MTO1: variants seen among roughly 807,000 people sequenced by gnomAD.
The protein encoded by MTO1 is mitochondrial tRNA translation optimization 1, also known as 5-taurinomethyluridine-[tRNA] synthase subunit MTO1, mitochondrial.
Under a neutral mutation model 71.6 loss-of-function variants are expected in MTO1, and 46 were observed. The observed-to-expected ratio is 0.64, with a 90% CI of 0.51 to 0.82. The LOEUF (loss-of-function observed/expected upper bound fraction) is 0.82. MTO1 is among the 40% of genes least tolerant of loss of function. MTO1 has a pLI of 0.00. For synonymous variants in MTO1, 297 were observed against 312.1 expected, an observed-to-expected ratio of 0.95 and a Z score of 0.51; for missense variants, 773 against 867.5, an observed-to-expected ratio of 0.89 and a Z score of 1.37.
rs1392884488 is a variant in MTO1, at chr6:73,482,524, G to C, written c.1541G>C (p.Gly514Ala). ...TGGATGAAGTCTTCTTTAGAAGAAG[G>C]CATTTCTGTGTTGAAATCTATTGAG... is the stretch of plus-strand genomic sequence containing the variant. Reference protein sequence around the residue: ...ACWMKSSLEEGISVLKSIEFL... With the variant: ...ACWMKSSLEEAISVLKSIEFL... Residue 514 changes from glycine to alanine, a missense_variant, in exon 9 of 12, where the codon GGC (glycine) becomes GCC (alanine). Transcript: ENST00000498286. The C allele has an allele frequency of 2.5e-6, 4 of 1,612,508 alleles. No individual in the cohort carries two copies. Among genetic ancestry groups the C allele is most frequent in the Non-Finnish European group, 3.4e-6 (4 of 1,179,522 alleles).
chr6:73,472,214 AC>A (rs1172960402), intron 3 of MTO1, among the ~76,000 whole-genome samples: 1 of 152,196 alleles, frequency 6.6e-6, no homozygotes, highest in African/African-American at 2.4e-5. Context: ...TAGATGAGTT[AC>A]CATTCTTCCA....
At chr6:73,491,471 G>A (rs1369980658) in intron 9 of MTO1, among the ~76,000 whole-genome samples, 2 of 151,966 alleles carry the variant, frequency 1.3e-5, no homozygotes, top group South Asian at 2.1e-4. Flanking sequence ...TTGTTTTGCA[G>A]AGACTTAAAA....
Position 73,505,317 on chromosome 6 carries a change from A to G in MTO1, c.*4582A>G, listed in dbSNP as rs531190927. ...GCATATACATACAATGGAATATTAT[A>G]CAGCCTTAAAAAGGAAGGAAATTCA... On this transcript the variant is annotated 3_prime_UTR_variant, in exon 12 of 12. Transcript: ENST00000498286. 6.6e-6 allele frequency: 1 copy of G among 152,374 alleles called. No homozygotes were observed. The highest frequency in any genetic ancestry group is 2.1e-4 in the South Asian group (1 of 4,834). The allele number at this position is 152,374 out of a possible 1,614,324, so 9.4% of individuals were successfully genotyped here.
chr6:73,486,327 T>G (rs1771651871), intron 9 of MTO1, among the ~76,000 whole-genome samples: 1 of 152,166 alleles, frequency 6.6e-6, no homozygotes, highest in South Asian at 2.1e-4. Flanking sequence ...TCTCCAGGAC[T>G]TTTTCATCTT....
intron 10 of MTO1, 53 bp from the exon 11 acceptor site, chr6:73,497,681 TTG>T: frequency 1.3e-6 from 2 of 1,511,916 alleles, no homozygotes; most frequent in Middle Eastern, 3.5e-4. Flanking sequence ...TAAATGTAAG[TTG>T]TTAGTATAAT....
intron 10 of MTO1, among the ~76,000 whole-genome samples, chr6:73,492,930 C>G (rs922180148): frequency 1.1e-4 from 16 of 149,184 alleles, no homozygotes; most frequent in Admixed American, 2.0e-4. Context: ...ATAAGTGGTA[C>G]TGCAGAGTCC....
intron 10 of MTO1, among the ~76,000 whole-genome samples, chr6:73,496,169 A>T (rs1197408188): frequency 1.3e-5 from 2 of 152,246 alleles, no homozygotes; most frequent in Non-Finnish European, 2.9e-5. Context: ...GGAGTCAGAC[A>T]CAGAGATGAG....
chr6:73,478,957 C>T (rs1431240052), intron 4 of MTO1, among the ~76,000 whole-genome samples: 10 of 144,208 alleles, frequency 6.9e-5, no homozygotes, highest in African/African-American at 1.0e-4. Flanking sequence ...GGTGCAATCT[C>T]GGCTCACTGC....
intron 10 of MTO1, among the ~76,000 whole-genome samples, chr6:73,496,627 C>T (rs907894821): frequency 3.7e-5 from 5 of 133,788 alleles, no homozygotes; most frequent in Non-Finnish European, 6.3e-5. Context: ...CTATCCCTAC[C>T]CCCTCCCCCC....
At chr6:73,482,333 C>G (rs939955120) in intron 8 of MTO1, 89 bp downstream of exon 8, 4 of 1,551,920 alleles carry the variant, frequency 2.6e-6, no homozygotes, top group Non-Finnish European at 3.5e-6. Flanking sequence ...GCAAGAGGAT[C>G]ACTTGAGGCC....
chr6:73,508,978 C>T lies in MTO1; in HGVS notation c.*8243C>T, dbSNP rs1267594661. 3 of 152,194 alleles carry T rather than the reference C, an allele frequency of 2.0e-5. No homozygotes were observed. Among genetic ancestry groups the T allele is most frequent in the Non-Finnish European group, 4.4e-5 (3 of 68,058 alleles). The allele number at this position is 152,194 out of a possible 1,614,324, so 9.4% of individuals were successfully genotyped here. A position where few individuals can be genotyped will look rare whatever the true frequency, so the allele number is the denominator to read the frequency against. ...CAGAAAATGTTGCAGATGCCCTCACCAGAAGGCTGAGAACCAGTTCCTCAG... is the reference window on the plus strand; with the variant it reads ...CAGAAAATGTTGCAGATGCCCTCACTAGAAGGCTGAGAACCAGTTCCTCAG... On this transcript the variant is annotated 3_prime_UTR_variant, in exon 12 of 12. Coordinates refer to ENST00000498286, the MANE Select transcript of MTO1 (RefSeq NM_012123.4).
At chr6:73,481,879 T>C (rs1771503743) in intron 7 of MTO1, 161 bp from the exon 8 acceptor site, 2 of 689,162 alleles carry the variant, frequency 2.9e-6, no homozygotes, top group Non-Finnish European at 5.0e-6. Context: ...ACCCATATTC[T>C]ATTTCTGAAT....
At chr6:73,491,353 G>C (rs2150041821) in intron 9 of MTO1, among the ~76,000 whole-genome samples, 1 of 150,054 alleles carries the variant, frequency 6.7e-6, no homozygotes, top group South Asian at 2.1e-4. Context: ...GGGAGGCCGA[G>C]GTACGCAGAT....
At chr6:73,464,659 T>TAA (rs765324304) in intron 1 of MTO1, among the ~76,000 whole-genome samples, 10 of 113,874 alleles carry the variant, frequency 8.8e-5, no homozygotes, top group East Asian at 2.4e-4. Flanking sequence ...CAATAAATAC[T>TAA]AAAAAAAAAA....
chr6:73,482,564 A>G lies in MTO1; in HGVS notation c.1581A>G (p.Lys527=). Residue 527 remains lysine (K), a synonymous_variant, in exon 9 of 12, where the codon AAA becomes AAG. Transcript: ENST00000498286. The part of the protein sequence containing the change: ...VLKSIEFLSS[K]WKKLIPEASI... ...AATCTATTGAGTTTTTGAGCTCTAA[A>G]TGGAAAAAATTAATCCCAGAGGCTT... The G allele has an allele frequency of 6.2e-7, 1 of 1,612,096 alleles. No individual in the cohort carries two copies. The highest frequency in any genetic ancestry group is 8.5e-7 in the Non-Finnish European group (1 of 1,179,862).
At chr6:73,467,437 A>G (rs1212822411) in intron 3 of MTO1, among the ~76,000 whole-genome samples, 1 of 152,064 alleles carries the variant, frequency 6.6e-6, no homozygotes, top group Non-Finnish European at 1.5e-5. Flanking sequence ...CAACATGGAG[A>G]AACACATCTC....
chr6:73,462,214 T>C, intron 1 of MTO1, 143 bp downstream of exon 1: 2 of 884,350 alleles, frequency 2.3e-6, no homozygotes, highest in Admixed American at 2.4e-5. Context: ...TCGATCAGTG[T>C]CTCGCAAGGA....
At chr6:73,483,064 T>C (rs907431985) in intron 9 of MTO1, among the ~76,000 whole-genome samples, 7 of 152,040 alleles carry the variant, frequency 4.6e-5, no homozygotes, top group Admixed American at 2.6e-4. Flanking sequence ...AGTGCTGGGA[T>C]TACAGGCGTG....
chr6:73,486,094 A>C (rs897002680), intron 9 of MTO1, among the ~76,000 whole-genome samples: 7 of 152,184 alleles, frequency 4.6e-5, no homozygotes, highest in African/African-American at 1.7e-4. Context: ...CTTGATTCAA[A>C]GCAGTTCTTG....
Sources: gnomAD v4.1 joint callset for allele counts (sites outside exome capture counted in the v4.1 genomes callset) on GRCh38, gnomAD v4.1.1 for gene constraint, MANE v1.5 for transcripts, NCBI Gene and HGNC (gene_info 2026-07-23, HGNC 2026-07-21) for gene names.